Variants in ERC2 observed in about 807,000 individuals in gnomAD.
The protein encoded by ERC2 is ELKS/RAB6-interacting/CAST family member 2, also known as ERC protein 2.
In ERC2, 42 loss-of-function variants were observed where a neutral mutation model predicts 114.8. The observed-to-expected ratio is 0.37, with a 90% CI of 0.29 to 0.47. The LOEUF (loss-of-function observed/expected upper bound fraction) is 0.47, where lower values mean the gene tolerates loss of function less well. Among genes scored for constraint, ERC2 ranks in the 20% least tolerant of loss-of-function variants. ERC2 has a pLI of 0.99. For synonymous variants in ERC2, 454 were observed against 425.5 expected, an observed-to-expected ratio of 1.07 and a Z score of -0.82; for missense variants, 939 against 1,150.7, an observed-to-expected ratio of 0.82 and a Z score of 2.66.
intron 10 of ERC2, among the ~76,000 whole-genome samples, chr3:56,006,627 C>T (rs772117898): frequency 6.6e-6 from 1 of 152,064 alleles, no homozygotes; most frequent in Non-Finnish European, 1.5e-5. Flanking sequence ...TATCCTATTT[C>T]TTTTCCAAAG....
intron 3 of ERC2, among the ~76,000 whole-genome samples, chr3:56,187,881 C>G (rs936130663): frequency 6.6e-6 from 1 of 152,046 alleles, no homozygotes; most frequent in Non-Finnish European, 1.5e-5. Context: ...TGTATCTTCC[C>G]CTGTTATCAT....
intron 2 of ERC2, among the ~76,000 whole-genome samples, chr3:56,315,098 G>T (rs531534495): frequency 9.9e-5 from 15 of 152,240 alleles, no homozygotes. Context: ...TACTCCAGCG[G>T]CTCCAAGCCT....
intron 17 of ERC2, among the ~76,000 whole-genome samples, chr3:55,602,944 C>G (rs1433573867): frequency 6.6e-6 from 1 of 152,168 alleles, no homozygotes; most frequent in African/African-American, 2.4e-5. Flanking sequence ...TGTGGGTTCT[C>G]AGAGGGTGGG....
At chr3:56,200,363 A>AC (rs2048343887) in intron 3 of ERC2, among the ~76,000 whole-genome samples, 1 of 151,236 alleles carries the variant, frequency 6.6e-6, no homozygotes, top group Admixed American at 6.6e-5. Flanking sequence ...AAAAAAAAAA[A>AC]CTACCTAGTA....
intron 12 of ERC2, among the ~76,000 whole-genome samples, chr3:55,977,509 A>G (rs565448683): frequency 6.6e-6 from 1 of 152,360 alleles, no homozygotes; most frequent in African/African-American, 2.4e-5. Flanking sequence ...ATAAAATAAA[A>G]GCAAATCAAA....
Position 56,006,022 on chromosome 3 carries a change from A to C in ERC2, c.2061+1159T>G, listed in dbSNP as rs561321865. Among the ~76,000 whole-genome samples the C allele has an allele frequency of 1.6e-4, 25 of 152,190 alleles. No individual in the cohort carries two copies. The South Asian group carries it at 5.2e-3, about 32-fold the overall frequency. The stretch of plus-strand genomic sequence containing the variant: ...TGCTTAACTAAATATTGCTTGAAAT[A>C]AGTGAGATGATGAGTGGATTGGGAA... On this transcript the variant is annotated intron_variant, in intron 10 of 17. Coordinates refer to ENST00000288221, the MANE Select transcript of ERC2 (RefSeq NM_015576.3).
At chr3:56,235,692 T>G (rs2050896880) in intron 3 of ERC2, among the ~76,000 whole-genome samples, 1 of 152,208 alleles carries the variant, frequency 6.6e-6, no homozygotes, top group South Asian at 2.1e-4. Context: ...TCCAATGCAG[T>G]AGCCACTAAC....
At chr3:55,949,427 C>G (rs2067346447) in intron 13 of ERC2, among the ~76,000 whole-genome samples, 1 of 151,818 alleles carries the variant, frequency 6.6e-6, no homozygotes, top group Admixed American at 6.6e-5. Context: ...TCAGTGAACA[C>G]TCCAAATCAA....
chr3:56,129,399 T>C (rs964766694), intron 6 of ERC2, among the ~76,000 whole-genome samples: 3 of 152,192 alleles, frequency 2.0e-5, no homozygotes, highest in African/African-American at 7.2e-5. Flanking sequence ...TATTTCCAAA[T>C]GGTGCCCCTC....
intron 7 of ERC2, among the ~76,000 whole-genome samples, chr3:56,070,562 C>T (rs894127775): frequency 1.3e-5 from 2 of 152,104 alleles, no homozygotes; most frequent in Non-Finnish European, 2.9e-5. Context: ...TTTGCCTCCC[C>T]TGGGTGGGAT....
chr3:55,882,506 A>G (rs2063160682), intron 14 of ERC2, among the ~76,000 whole-genome samples: 1 of 152,254 alleles, frequency 6.6e-6, no homozygotes. Flanking sequence ...TTGTGGATTC[A>G]ATCAACCACG....
chr3:55,841,152 ATAAACT>A (rs1330554692), intron 14 of ERC2, among the ~76,000 whole-genome samples: 1 of 152,202 alleles, frequency 6.6e-6, no homozygotes, highest in Non-Finnish European at 1.5e-5. Context: ...ACTTCAAATA[ATAAACT>A]TAAATAAAAC....
chr3:56,205,819 C>T (rs558579800), intron 3 of ERC2, among the ~76,000 whole-genome samples: 1 of 152,168 alleles, frequency 6.6e-6, no homozygotes, highest in African/African-American at 2.4e-5. Context: ...ACTCCACATC[C>T]TTTACCTAAC....
At chr3:56,380,496 T>G (rs1052043520) in intron 2 of ERC2, among the ~76,000 whole-genome samples, 2 of 152,184 alleles carry the variant, frequency 1.3e-5, no homozygotes, top group Middle Eastern at 3.4e-3. Flanking sequence ...TTGTGTCTCC[T>G]TTCCACCTTG....
intron 17 of ERC2, among the ~76,000 whole-genome samples, chr3:55,625,089 C>T (rs1242946746): frequency 1.3e-5 from 2 of 152,040 alleles, no homozygotes; most frequent in East Asian, 1.9e-4. Context: ...TAGCTTAGGC[C>T]AGGCACGGTG....
At chr3:56,436,998 G>C (rs906121234) in intron 1 of ERC2, among the ~76,000 whole-genome samples, 3 of 152,190 alleles carry the variant, frequency 2.0e-5, no homozygotes, top group African/African-American at 7.2e-5. Context: ...CCAGGTGACT[G>C]ATTGCATTAA....
intron 14 of ERC2, among the ~76,000 whole-genome samples, chr3:55,736,512 G>T (rs1372531897): frequency 6.6e-6 from 1 of 151,984 alleles, no homozygotes; most frequent in Admixed American, 6.6e-5. Flanking sequence ...TTTTTTTATA[G>T]AACTCTTTGC....
chr3:56,462,900 A>T (rs971869540), intron 1 of ERC2, among the ~76,000 whole-genome samples: 1 of 152,192 alleles, frequency 6.6e-6, no homozygotes, highest in Admixed American at 6.5e-5. Context: ...ACCAAGACCA[A>T]GATCCTTCCA....
intron 1 of ERC2, among the ~76,000 whole-genome samples, chr3:56,463,157 A>G (rs1485937061): frequency 6.6e-6 from 1 of 152,120 alleles, no homozygotes; most frequent in African/African-American, 2.4e-5. Context: ...GAGCCGGGGA[A>G]GTCAAGGCTG....
Sources: allele counts gnomAD v4.1 joint callset (sites outside exome capture counted in the v4.1 genomes callset), GRCh38; gene constraint gnomAD v4.1.1; transcripts MANE v1.5; gene names NCBI Gene and HGNC (gene_info 2026-07-23, HGNC 2026-07-21).